Variants in VPS35L observed in about 807,000 individuals in gnomAD.
VPS35L encodes the protein VPS35 endosomal protein-sorting factor-like.
In VPS35L, 83 loss-of-function variants were observed where a neutral mutation model predicts 133.0. The ratio of observed to expected loss-of-function variants is 0.62; its 90% CI spans 0.52 to 0.75. VPS35L has a LOEUF of 0.75. Among genes scored for constraint, VPS35L ranks in the 30% least tolerant of loss-of-function variants. The pLI is 0.00. For missense variants in VPS35L, 1,083 were observed against 1,206.8 expected, an observed-to-expected ratio of 0.90 and a Z score of 1.52; for synonymous variants, 423 against 449.9, an observed-to-expected ratio of 0.94 and a Z score of 0.76.
chr16:19,640,046 A>G lies in VPS35L; in HGVS notation c.1730A>G (p.Gln577Arg). The G allele has an allele frequency of 6.2e-7, 1 of 1,614,206 alleles. No homozygotes were observed. Among genetic ancestry groups the G allele is most frequent in the South Asian group, 1.1e-5 (1 of 91,090 alleles). Residue 577 changes from glutamine to arginine, a missense_variant, in exon 21 of 31, where the codon CAA becomes CGA. Coordinates refer to ENST00000417362, the MANE Select transcript of VPS35L (RefSeq NM_020314.7). Reference sequence around the variant, plus strand: ...TTTCTGCCGTTTCTGGACATGTTCCAAAAAGAGAGTGTGCGGGTGGAGGTT... The same window carrying G: ...TTTCTGCCGTTTCTGGACATGTTCCGAAAAGAGAGTGTGCGGGTGGAGGTT... ...EKFLPFLDMF[Q>R]KESVRVEVCK...
At chr16:19,596,279 C>T (rs1434384955) in intron 8 of VPS35L, among the ~76,000 whole-genome samples, 1 of 84,820 alleles carries the variant, frequency 1.2e-5, no homozygotes, top group Non-Finnish European at 2.3e-5. Context: ...AATGCATATA[C>T]CATTTTTTTT....
chr16:19,585,575 A>AT (rs201096109), intron 7 of VPS35L, among the ~76,000 whole-genome samples: 18 of 148,338 alleles, frequency 1.2e-4, no homozygotes, highest in African/African-American at 2.2e-4. Context: ...TTTATTTAAA[A>AT]TTTTTTTTTT....
chr16:19,626,360 G>T (rs993343173), intron 15 of VPS35L, 137 bp downstream of exon 15: 2 of 741,870 alleles, frequency 2.7e-6, no homozygotes. Context: ...CTGGAGTCCG[G>T]TTGCCTGGCC....
Position 19,657,477 on chromosome 16 carries a change from A to G in VPS35L, c.2221+5387A>G, listed in dbSNP as rs187665394. ...GTCAGGTCATCCTGTACGATATATT[A>G]TCCGCTCACCTGTGCTTTTTCTCCA... is the stretch of plus-strand genomic sequence containing the variant. On this transcript the variant is annotated intron_variant, in intron 26 of 30. Coordinates refer to ENST00000417362, the MANE Select transcript of VPS35L (RefSeq NM_020314.7). Among the ~76,000 whole-genome samples the G allele has an allele frequency of 3.9e-5, 6 of 152,286 alleles. No individual in the cohort carries two copies. In the East Asian group the frequency reaches 1.2e-3, roughly 29 times the overall value.
chr16:19,611,361 C>A (rs765310526), intron 12 of VPS35L, among the ~76,000 whole-genome samples: 2 of 152,148 alleles, frequency 1.3e-5, no homozygotes, highest in African/African-American at 2.4e-5. Context: ...TGTCAGGACT[C>A]CCCCTAGCAA....
At chr16:19,586,514 A>G (rs1438215944) in intron 7 of VPS35L, among the ~76,000 whole-genome samples, 2 of 151,692 alleles carry the variant, frequency 1.3e-5, no homozygotes, top group South Asian at 4.2e-4. Flanking sequence ...TAATTTTTGT[A>G]TTTTTAGTAG....
chr16:19,677,316 C>T (rs1204897589), intron 27 of VPS35L, among the ~76,000 whole-genome samples: 1 of 152,076 alleles, frequency 6.6e-6, no homozygotes, highest in African/African-American at 2.4e-5. Context: ...AACTCCTGAC[C>T]TCGTGATCCA....
chr16:19,600,524 G>A (rs12448875), intron 8 of VPS35L, among the ~76,000 whole-genome samples: 7,927 of 152,186 alleles, frequency 0.052, 420 homozygotes, highest in East Asian at 0.23. Context: ...AAGATGAGTC[G>A]TCAGGAAAGT....
chr16:19,608,278 T>A lies in VPS35L; in HGVS notation c.881+4T>A. The A allele has an allele frequency of 6.6e-7, 1 of 1,516,208 alleles. No individual in the cohort carries two copies. Among genetic ancestry groups the A allele is most frequent in the South Asian group, 1.2e-5 (1 of 86,064 alleles). The allele number at this position is 1,516,208 out of a possible 1,614,324, so 93.9% of individuals were successfully genotyped here. A position where few individuals can be genotyped will look rare whatever the true frequency, so the allele number is the denominator to read the frequency against. On this transcript the variant is annotated splice_donor_region_variant and intron_variant, in intron 10 of 30. Transcript: ENST00000417362. ...TCAGGGAACTCATTCCAAGATTGTA[T>A]CCTTTTTTTTTTTTTTGGTCTGATG... is the stretch of plus-strand genomic sequence containing the variant.
chr16:19,665,845 G>A (rs766702104), intron 26 of VPS35L, among the ~76,000 whole-genome samples: 26 of 152,128 alleles, frequency 1.7e-4, no homozygotes, highest in Non-Finnish European at 8.8e-5. Flanking sequence ...AGCATTTGTC[G>A]TTGCCTGTCT....
chr16:19,558,148 ATATT>A (rs765053334), intron 1 of VPS35L, among the ~76,000 whole-genome samples: 11 of 152,240 alleles, frequency 7.2e-5, no homozygotes, highest in Non-Finnish European at 1.3e-4. Context: ...GTGCTGAATA[ATATT>A]TATGAATGAA....
At position 19,682,309 on chromosome 16, in the gene VPS35L, G is replaced by T; in HGVS notation, c.2446G>T (p.Glu816Ter). 1 of 1,614,120 alleles carries T rather than the reference G, an allele frequency of 6.2e-7. No individual in the cohort carries two copies. Among genetic ancestry groups the T allele is most frequent in the Non-Finnish European group, 8.5e-7 (1 of 1,180,014 alleles). ...CTACACCTGGGAGGACAACAGCGAT[G>T]AGAAAATCCGCATCTACACCTGCGT... ...QDYTWEDNSD[E>*]KIRIYTCVLH... The change falls in exon 28 of 31, where the codon GAG becomes TAG. Residue 816 changes from glutamate (E) to a stop codon, truncating the protein, a stop_gained. Coordinates refer to ENST00000417362, the MANE Select transcript of VPS35L (RefSeq NM_020314.7). LOFTEE classifies it high-confidence loss of function.
At position 19,682,858 on chromosome 16, in the gene VPS35L, C is replaced by T. The variant is rs116069314; in HGVS notation, c.2527+468C>T. On this transcript the variant is annotated intron_variant, in intron 28 of 30. Transcript: ENST00000417362. ...GCCTGGGCAACAAGAGTGAAAACAC[C>T]ATCCCAAAAAGGAAAAAAAAGAGTA... Among the ~76,000 whole-genome samples the T allele has an allele frequency of 2.9e-3, 442 of 152,178 alleles. 5 individuals are homozygous for T. The highest frequency in any genetic ancestry group is 0.01 in the African/African-American group (427 of 41,512).
At chr16:19,693,513 A>T (rs980757958) in intron 29 of VPS35L, among the ~76,000 whole-genome samples, 1 of 151,840 alleles carries the variant, frequency 6.6e-6, no homozygotes, top group Admixed American at 6.6e-5. Flanking sequence ...AGGTACGGTG[A>T]CTCACGCCTG....
At chr16:19,629,704 C>T (rs1973382694) in intron 17 of VPS35L, 63 bp from the exon 18 acceptor site, 1 of 1,457,470 alleles carries the variant, frequency 6.9e-7, no homozygotes, top group South Asian at 1.2e-5. Flanking sequence ...CTGAAGCCTC[C>T]TGTTTGCTGT....
intron 7 of VPS35L, among the ~76,000 whole-genome samples, chr16:19,591,541 C>T (rs1972042017): frequency 6.7e-6 from 1 of 149,164 alleles, no homozygotes; most frequent in African/African-American, 2.5e-5. Flanking sequence ...CATAGCGAGA[C>T]CCCATCTCTA....
intron 7 of VPS35L, among the ~76,000 whole-genome samples, chr16:19,585,781 C>T (rs66565871): frequency 0.12 from 18,363 of 152,116 alleles, 1,272 homozygotes; most frequent in Middle Eastern, 0.18. Context: ...ATTTGTATAT[C>T]CCTAACAGTG....
At chr16:19,556,863 G>A (rs11862452) in intron 1 of VPS35L, among the ~76,000 whole-genome samples, 86 of 147,506 alleles carry the variant, frequency 5.8e-4, no homozygotes, top group Non-Finnish European at 9.7e-4. Context: ...GGTGGCTCAC[G>A]CCTGTAATCC....
chr16:19,679,831 A>T (rs1316866504), intron 27 of VPS35L, among the ~76,000 whole-genome samples: 1 of 152,202 alleles, frequency 6.6e-6, no homozygotes, highest in Non-Finnish European at 1.5e-5. Flanking sequence ...TCTTACAGAT[A>T]TTAACAGCTT....
Sources: gnomAD v4.1 joint callset for allele counts (sites outside exome capture counted in the v4.1 genomes callset) on GRCh38, gnomAD v4.1.1 for gene constraint, MANE v1.5 for transcripts, NCBI Gene and HGNC (gene_info 2026-07-23, HGNC 2026-07-21) for gene names.